Variants in CCSER1 observed in about 807,000 individuals in gnomAD.
CCSER1 encodes the protein serine-rich coiled-coil domain-containing protein 1.
A neutral mutation model predicts 82.0 loss-of-function variants in CCSER1; 41 were observed. That is an observed-to-expected ratio of 0.50 (90% CI 0.39 to 0.65). CCSER1 has a LOEUF of 0.65. Among genes scored for constraint, CCSER1 ranks in the 30% least tolerant of loss-of-function variants. The probability of loss-of-function intolerance (pLI) is 0.00; values close to 1 mark genes in which losing one functional copy is unlikely to be tolerated. For synonymous variants in CCSER1, 414 were observed against 383.9 expected (o/e 1.08, Z -0.92); for missense variants, 1,119 against 1,064.2 (o/e 1.05, Z -0.72).
chr4:90,918,121 G>T (rs1447005062), intron 8 of CCSER1: 1 of 245,110 alleles, frequency 4.1e-6, no homozygotes, highest in Non-Finnish European at 8.5e-6. Flanking sequence ...TACATATTCA[G>T]TAAGTATGTA....
intron 10 of CCSER1, among the ~76,000 whole-genome samples, chr4:91,350,736 A>G (rs1157728393): frequency 6.6e-6 from 1 of 152,078 alleles, no homozygotes; most frequent in East Asian, 1.9e-4. Flanking sequence ...TATTAAGAAT[A>G]TTAATAAATG....
At chr4:90,853,357 T>G (rs1459565686) in intron 8 of CCSER1, among the ~76,000 whole-genome samples, 2 of 152,162 alleles carry the variant, frequency 1.3e-5, no homozygotes, top group Admixed American at 1.3e-4. Flanking sequence ...AAAGAGGAAC[T>G]CAATGAACCA....
chr4:91,176,143 G>C (rs1460839570), intron 10 of CCSER1, among the ~76,000 whole-genome samples: 1 of 152,272 alleles, frequency 6.6e-6, no homozygotes, highest in South Asian at 2.1e-4. Flanking sequence ...GTAGATGTGT[G>C]GTATTACTTA....
chr4:90,800,807 C>T (rs959265506), intron 7 of CCSER1, among the ~76,000 whole-genome samples: 1 of 152,058 alleles, frequency 6.6e-6, no homozygotes, highest in Non-Finnish European at 1.5e-5. Flanking sequence ...GGTTCTCATT[C>T]TTCTACATGC....
intron 8 of CCSER1, among the ~76,000 whole-genome samples, chr4:90,918,498 G>A (rs937669143): frequency 1.3e-5 from 2 of 152,032 alleles, no homozygotes; most frequent in African/African-American, 2.4e-5. Context: ...CCATGGCTTT[G>A]TCTTGGTTTT....
At chr4:90,156,689 T>A (rs1398952886) in intron 1 of CCSER1, among the ~76,000 whole-genome samples, 1 of 152,230 alleles carries the variant, frequency 6.6e-6, no homozygotes, top group Non-Finnish European at 1.5e-5. Flanking sequence ...GAGACTGGGA[T>A]TGCAACCCCT....
At chr4:90,202,670 G>C (rs1192656585) in intron 1 of CCSER1, among the ~76,000 whole-genome samples, 1 of 152,192 alleles carries the variant, frequency 6.6e-6, no homozygotes, top group Non-Finnish European at 1.5e-5. Context: ...GTCTGTGTAA[G>C]ATATATTTGA....
intron 1 of CCSER1, among the ~76,000 whole-genome samples, chr4:90,241,417 T>C (rs549135881): frequency 8.5e-5 from 13 of 152,298 alleles, no homozygotes; most frequent in Non-Finnish European, 1.6e-4. Flanking sequence ...TAGATAATGG[T>C]GGTTTATTAT....
At chr4:90,153,334 C>T (rs1258929197) in intron 1 of CCSER1, among the ~76,000 whole-genome samples, 7 of 151,958 alleles carry the variant, frequency 4.6e-5, no homozygotes, top group South Asian at 4.2e-4. Flanking sequence ...TGAATAGTGC[C>T]GCAATAAACA....
intron 1 of CCSER1, among the ~76,000 whole-genome samples, chr4:90,178,512 G>A (rs183233538): frequency 3.9e-5 from 6 of 152,032 alleles, no homozygotes; most frequent in South Asian, 2.1e-4. Context: ...TGGAAAACTC[G>A]AAGTTCCAAA....
intron 6 of CCSER1, among the ~76,000 whole-genome samples, chr4:90,720,897 G>T (rs1253148457): frequency 6.6e-6 from 1 of 151,670 alleles, no homozygotes; most frequent in Non-Finnish European, 1.5e-5. Flanking sequence ...CAATTTCTCT[G>T]CTTTTTTAGT....
chr4:90,216,291 G>A (rs949754477), intron 1 of CCSER1, among the ~76,000 whole-genome samples: 1 of 152,150 alleles, frequency 6.6e-6, no homozygotes, highest in African/African-American at 2.4e-5. Context: ...CGCTTCACTA[G>A]TTGCCAGATG....
At chr4:90,371,829 G>A (rs1222071608) in intron 3 of CCSER1, among the ~76,000 whole-genome samples, 1 of 152,178 alleles carries the variant, frequency 6.6e-6, no homozygotes, top group Non-Finnish European at 1.5e-5. Context: ...GTCCTTAGGA[G>A]ACTGCCTGTG....
intron 10 of CCSER1, among the ~76,000 whole-genome samples, chr4:91,111,906 A>G (rs577716009): frequency 6.6e-6 from 1 of 152,018 alleles, no homozygotes; most frequent in South Asian, 2.1e-4. Context: ...GGTAAATGGA[A>G]AAGCTGTCCA....
At chr4:90,856,560 G>T (rs2149961727) in intron 8 of CCSER1, among the ~76,000 whole-genome samples, 1 of 152,162 alleles carries the variant, frequency 6.6e-6, no homozygotes, top group South Asian at 2.1e-4. Context: ...GTTTTATAAT[G>T]TGGTAGAATT....
intron 10 of CCSER1, among the ~76,000 whole-genome samples, chr4:91,447,494 T>C (rs13139326): frequency 0.54 from 81,758 of 151,906 alleles, 22,496 homozygotes; most frequent in East Asian, 0.86. Flanking sequence ...TCCTTCTCCA[T>C]GTACCTATCA....
At chr4:91,592,207 C>A (rs562135931) in intron 10 of CCSER1, among the ~76,000 whole-genome samples, 1 of 152,232 alleles carries the variant, frequency 6.6e-6, no homozygotes, top group South Asian at 2.1e-4. Flanking sequence ...GAAGCAAATA[C>A]GTCCTTCTTC....
intron 9 of CCSER1, among the ~76,000 whole-genome samples, chr4:91,085,312 G>C (rs1380878572): frequency 2.0e-5 from 3 of 151,964 alleles, no homozygotes; most frequent in African/African-American, 7.2e-5. Flanking sequence ...TATCAGATTA[G>C]AGCAAAAGTA....
intron 8 of CCSER1, among the ~76,000 whole-genome samples, chr4:90,885,451 C>A (rs898114569): frequency 1.3e-5 from 2 of 152,266 alleles, no homozygotes. Flanking sequence ...TATATAGTAA[C>A]AACTATTGTG....
Sources: allele counts gnomAD v4.1 joint callset (sites outside exome capture counted in the v4.1 genomes callset), GRCh38; gene constraint gnomAD v4.1.1; transcripts MANE v1.5; gene names NCBI Gene and HGNC (gene_info 2026-07-23, HGNC 2026-07-21).